Variants in PKD1L1 observed in about 807,000 individuals in gnomAD.
PKD1L1 encodes polycystin 1 like 1, transient receptor potential channel interacting, also known as polycystin-1-like protein 1.
In PKD1L1, 236 loss-of-function variants were observed where a neutral mutation model predicts 323.4. The ratio of observed to expected loss-of-function variants is 0.73; its 90% CI spans 0.66 to 0.81. The LOEUF (loss-of-function observed/expected upper bound fraction) is 0.81, where lower values mean the gene tolerates loss of function less well. PKD1L1 is among the 40% of genes least tolerant of loss of function. The probability of loss-of-function intolerance (pLI) is 0.00; values close to 1 mark genes in which losing one functional copy is unlikely to be tolerated. For missense variants in PKD1L1, 3,320 were observed against 3,508.0 expected (o/e 0.95, Z 1.35); for synonymous variants, 1,344 against 1,335.0 (o/e 1.01, Z -0.15).
intron 53 of PKD1L1, among the ~76,000 whole-genome samples, chr7:47,802,427 GTT>G (rs1184378927): frequency 1.3e-5 from 2 of 152,170 alleles, no homozygotes; most frequent in Non-Finnish European, 2.9e-5. Flanking sequence ...TGACTCTCAG[GTT>G]CGTTCTCTCT....
intron 56 of PKD1L1, among the ~76,000 whole-genome samples, chr7:47,786,601 C>G (rs1449530781): frequency 2.0e-5 from 3 of 152,230 alleles, no homozygotes; most frequent in Non-Finnish European, 4.4e-5. Context: ...AGGTCAGGCG[C>G]TCCCCTCTGG....
intron 45 of PKD1L1, among the ~76,000 whole-genome samples, chr7:47,825,678 A>G (rs1785228594): frequency 6.6e-6 from 1 of 151,372 alleles, no homozygotes; most frequent in African/African-American, 2.4e-5. Flanking sequence ...ATTTACTTTT[A>G]TTTTCCCTTT....
intron 54 of PKD1L1, among the ~76,000 whole-genome samples, chr7:47,796,852 T>C (rs1158115130): frequency 3.5e-5 from 3 of 85,558 alleles, no homozygotes; most frequent in Admixed American, 1.1e-4. Flanking sequence ...AAAAAAAAAT[T>C]AGCTGGGTGT....
intron 44 of PKD1L1, among the ~76,000 whole-genome samples, chr7:47,829,220 T>G (rs1427623461): frequency 6.6e-6 from 1 of 152,090 alleles, no homozygotes; most frequent in African/African-American, 2.4e-5. Context: ...TCTAACTTCT[T>G]TAGGATTGGA....
intron 56 of PKD1L1, among the ~76,000 whole-genome samples, chr7:47,785,709 C>T (rs1052991468): frequency 4.0e-5 from 6 of 151,534 alleles, no homozygotes; most frequent in African/African-American, 7.3e-5. Context: ...GGGCATCATA[C>T]TTTCTGCATG....
intron 2 of PKD1L1, 42 bp downstream of exon 2, chr7:47,943,354 A>T (rs1423446328): frequency 6.7e-7 from 1 of 1,486,870 alleles, no homozygotes; most frequent in South Asian, 1.1e-5. Flanking sequence ...ATAAAGCAAC[A>T]TTCTTATCAT....
At chr7:47,845,195 T>G (rs1440942359) in intron 32 of PKD1L1, 117 bp from the exon 33 acceptor site, 1 of 767,538 alleles carries the variant, frequency 1.3e-6, no homozygotes, top group Admixed American at 3.3e-5. Context: ...TAATGATAAC[T>G]TTATGACTAA....
At chr7:47,940,879 G>A (rs895457726) in intron 2 of PKD1L1, among the ~76,000 whole-genome samples, 2 of 152,140 alleles carry the variant, frequency 1.3e-5, no homozygotes, top group Non-Finnish European at 2.9e-5. Context: ...GAGGCTGAGG[G>A]CCCTGCCACA....
chr7:47,905,107 A>G, intron 11 of PKD1L1, 50 bp downstream of exon 11: 1 of 1,578,378 alleles, frequency 6.3e-7, no homozygotes, highest in Non-Finnish European at 8.6e-7. Context: ...CAGACTGAGT[A>G]TAGGCTGCAG....
In PKD1L1 at chr7:47,885,675, G is replaced by A. The variant is rs1237633144; in HGVS notation, c.3205+11C>T. 8 of 1,604,844 alleles carry A rather than the reference G, an allele frequency of 5.0e-6. No individual in the cohort carries two copies. In the African/African-American group the frequency reaches 1.1e-4, roughly 21 times the overall value. On this transcript the variant is annotated intron_variant, in intron 18 of 56. Coordinates refer to ENST00000289672, the MANE Select transcript of PKD1L1 (RefSeq NM_138295.5). ...ACAAGAGGGATGACATGCAGGAACA[G>A]TGGCACTTACCAGAGAGGTGAGGGT...
rs189886865 is a variant in PKD1L1, at chr7:47,828,379, G to A, written c.6736-911C>T. 1.8e-3 allele frequency among the ~76,000 whole-genome samples: 280 copies of A among 151,942 alleles called. 3 individuals are homozygous for A. The highest frequency in any genetic ancestry group is 2.8e-4 in the Non-Finnish European group (19 of 67,978). On this transcript the variant is annotated intron_variant, in intron 44 of 56. Transcript: ENST00000289672. ...CTGTACGAGGGGAGAAGAGGAAGGA[G>A]AGCCTTCCAAGCAGAAAGGAAAGCT...
upstream of PKD1L1, among the ~76,000 whole-genome samples, chr7:47,952,593 C>A (rs1160588268): frequency 2.0e-5 from 3 of 152,130 alleles, no homozygotes; most frequent in South Asian, 2.1e-4. Context: ...TGCTTCTGGG[C>A]CGTTTTCTCT....
At chr7:47,841,273 G>T (rs1785559379) in intron 34 of PKD1L1, among the ~76,000 whole-genome samples, 1 of 151,974 alleles carries the variant, frequency 6.6e-6, no homozygotes, top group Non-Finnish European at 1.5e-5. Context: ...AATATTTTTT[G>T]AAACAGTGCA....
At chr7:47,898,389 G>A (rs569087163) in intron 13 of PKD1L1, among the ~76,000 whole-genome samples, 195 bp from the exon 14 acceptor site, 1 of 151,256 alleles carries the variant, frequency 6.6e-6, no homozygotes, top group Non-Finnish European at 1.5e-5. Context: ...AAAATAAAAG[G>A]TTAAAAAAAA....
At chr7:47,956,502 T>C in the PKD1L1 span, among the ~76,000 whole-genome samples, 1 of 152,186 alleles carries the variant, frequency 6.6e-6, no homozygotes, top group Non-Finnish European at 1.5e-5. Flanking sequence ...ACACGGGCTG[T>C]AGCGTTCACG....
At chr7:47,818,183 T>C in intron 46 of PKD1L1, 1 of 1,366,800 alleles carries the variant, frequency 7.3e-7, no homozygotes, top group South Asian at 1.1e-5. Context: ...GAGACAGAGA[T>C]GGGAGGCATA....
At chr7:47,955,118 C>T in the PKD1L1 span, among the ~76,000 whole-genome samples, 1 of 152,320 alleles carries the variant, frequency 6.6e-6, no homozygotes, top group Admixed American at 6.5e-5. Context: ...GTTACAGACA[C>T]TGATTGATCC....
intron 56 of PKD1L1, among the ~76,000 whole-genome samples, chr7:47,778,797 T>C (rs1205291694): frequency 2.0e-5 from 3 of 152,206 alleles, no homozygotes; most frequent in African/African-American, 7.2e-5. Context: ...CCCAGCATGC[T>C]GAGGAACAGG....
At chr7:47,814,487 C>A (rs1415773043) in intron 47 of PKD1L1, among the ~76,000 whole-genome samples, 3 of 152,192 alleles carry the variant, frequency 2.0e-5, no homozygotes, top group Non-Finnish European at 4.4e-5. Flanking sequence ...TCAAGCAATT[C>A]TCCTGCCTCA....
Sources: gnomAD v4.1 joint callset for allele counts (sites outside exome capture counted in the v4.1 genomes callset) on GRCh38, gnomAD v4.1.1 for gene constraint, MANE v1.5 for transcripts, NCBI Gene and HGNC (gene_info 2026-07-23, HGNC 2026-07-21) for gene names.